ATAD3A: variants seen among roughly 807,000 people sequenced by gnomAD.
ATAD3A encodes ATPase family AAA domain containing 3A.
A neutral mutation model predicts 73.8 loss-of-function variants in ATAD3A; 46 were observed. That is an observed-to-expected ratio of 0.62 (90% CI 0.49 to 0.80). ATAD3A has a LOEUF of 0.80. Among genes scored for constraint, ATAD3A ranks in the 30% least tolerant of loss-of-function variants. The pLI, the probability that ATAD3A is intolerant of heterozygous loss-of-function variation, is 0.00. For synonymous variants in ATAD3A, 319 were observed against 350.0 expected (o/e 0.91, Z 0.99); for missense variants, 705 against 838.0 (o/e 0.84, Z 1.96).
intron 2 of ATAD3A, chr1:1,517,042 G>T: frequency 6.9e-7 from 1 of 1,457,506 alleles, no homozygotes; most frequent in Non-Finnish European, 9.1e-7. Flanking sequence ...ATAAGCATGA[G>T]CTCTGCCCTC....
chr1:1,520,136 G>T lies in ATAD3A; in HGVS notation c.515-5G>T, dbSNP rs1641532776. 1 of 1,608,986 alleles carries T rather than the reference G, an allele frequency of 6.2e-7. No homozygotes were observed. Among genetic ancestry groups the T allele is most frequent in the Non-Finnish European group, 8.5e-7 (1 of 1,178,930 alleles). On this transcript the variant is annotated splice_polypyrimidine_tract_variant and splice_region_variant and intron_variant, in intron 5 of 15. Transcript: ENST00000378756. The surrounding 1 kb of genome is among the most constrained non-coding windows in gnomAD (Gnocchi z 4.0). Reference sequence around the variant, plus strand: ...GTGCTGAGCTGCCCTGCCTCTCTGGGGCAGCCACCGTGGAGCGGGAGATGG... The same window carrying T: ...GTGCTGAGCTGCCCTGCCTCTCTGGTGCAGCCACCGTGGAGCGGGAGATGG...
At chr1:1,527,585 G>C in intron 13 of ATAD3A, 110 bp from the exon 14 acceptor site, 6 of 1,385,066 alleles carry the variant, frequency 4.3e-6, no homozygotes, top group Non-Finnish European at 4.8e-6. Flanking sequence ...CCGTGTCCTC[G>C]TGTTTCCCGC....
intron 1 of ATAD3A, among the ~76,000 whole-genome samples, chr1:1,513,761 C>G (rs1000743063): frequency 2.0e-5 from 3 of 152,120 alleles, no homozygotes; most frequent in Admixed American, 6.5e-5. Context: ...AGCCCGGCCC[C>G]TCCCGACGCT....
At chr1:1,524,043 G>C in intron 10 of ATAD3A, 79 bp downstream of exon 10, 1 of 1,607,482 alleles carries the variant, frequency 6.2e-7, no homozygotes, top group Admixed American at 1.7e-5. Flanking sequence ...GGGCTCAGCT[G>C]CCTGGGGAAT....
At chr1:1,517,218 C>G in intron 2 of ATAD3A, 93 bp from the exon 3 acceptor site, 2 of 1,545,134 alleles carry the variant, frequency 1.3e-6, no homozygotes, top group Non-Finnish European at 1.7e-6. Flanking sequence ...GGCATGGAGT[C>G]TCTGCCGTGC....
At position 1,522,489 on chromosome 1, in the gene ATAD3A, G is replaced by A. The variant is rs184351141; in HGVS notation, c.751-255G>A. Among the ~76,000 whole-genome samples, 481 of 152,332 alleles carry A rather than the reference G, an allele frequency of 3.2e-3. 4 individuals are homozygous for A. Among genetic ancestry groups the A allele is most frequent in the Non-Finnish European group, 3.9e-3 (262 of 68,026 alleles). On this transcript the variant is annotated intron_variant, in intron 7 of 15. Transcript: ENST00000378756. ...CTGTCCAGGGCCCCGCTCAGCGACC[G>A]AGGCTTTCTAGGATTTATGCTGCCA...
intron 13 of ATAD3A, 76 bp from the exon 14 acceptor site, chr1:1,527,619 G>T (rs1175807323): frequency 1.3e-6 from 2 of 1,510,652 alleles, no homozygotes; most frequent in Non-Finnish European, 1.8e-6. Flanking sequence ...CCCTGTGGGG[G>T]CTGAGGAGGC....
Position 1,514,433 on chromosome 1 carries a change from C to T in ATAD3A, c.206-1579C>T, listed in dbSNP as rs1290103766. ...TCGCTTCAGCCCTTGGCTTCCCGAG[C>T]TTAGCAGCCAAACCCGTTGACCTGG... On this transcript the variant is annotated intron_variant, in intron 1 of 15. Transcript: ENST00000378756. Among the ~76,000 whole-genome samples, 217 of 152,290 alleles carry T rather than the reference C, an allele frequency of 1.4e-3. 1 individual carries two copies. The highest frequency in any genetic ancestry group is 1.6e-3 in the Admixed American group (25 of 15,290).
At chr1:1,524,878 C>T (rs1641745604) in intron 11 of ATAD3A, among the ~76,000 whole-genome samples, 2 of 151,926 alleles carry the variant, frequency 1.3e-5, no homozygotes, top group Admixed American at 6.6e-5. Context: ...AACCACGATG[C>T]TCATGGTTGG....
At chr1:1,525,084 C>T (rs1036091735) in intron 11 of ATAD3A, among the ~76,000 whole-genome samples, 156 bp from the exon 12 acceptor site, 8 of 152,130 alleles carry the variant, frequency 5.3e-5, no homozygotes, top group Admixed American at 1.3e-4. Context: ...CCAGGCTGAT[C>T]GGCTTCTGTC....
chr1:1,521,204 C>G (rs907588302), intron 7 of ATAD3A, among the ~76,000 whole-genome samples: 9 of 143,352 alleles, frequency 6.3e-5, no homozygotes, highest in Non-Finnish European at 3.0e-5. Context: ...GAGGCTGAGG[C>G]AGGAGAATCA....
chr1:1,516,175 G>T, intron 2 of ATAD3A, 87 bp downstream of exon 2: 1 of 1,588,712 alleles, frequency 6.3e-7, no homozygotes, highest in East Asian at 2.3e-5. Context: ...GGTGGGTAGG[G>T]CCGGGGGTGT....
At chr1:1,516,209 A>G in intron 2 of ATAD3A, 121 bp downstream of exon 2, 6 of 1,462,644 alleles carry the variant, frequency 4.1e-6, no homozygotes, top group Non-Finnish European at 5.6e-6. Context: ...AGTGGGGCCC[A>G]GGGCCAAGCT....
rs1175686099 is a variant in ATAD3A at position 1,524,645 on chromosome 1, G to A, written c.1214+248G>A. 1.1e-4 allele frequency among the ~76,000 whole-genome samples: 15 copies of A among 130,716 alleles called. No individual in the cohort carries two copies. In the East Asian group the frequency reaches 3.3e-3, roughly 29 times the overall value. 85.8% of individuals were successfully genotyped at this position (130,716 alleles called of 152,430 possible). On this transcript the variant is annotated intron_variant, in intron 11 of 15. Transcript: ENST00000378756. ...TTGGCTCAGGGCAGAAGGGAGGTGG[G>A]TGGGTGCAGGGGGAGAGGAGTCTTC...
chr1:1,528,517 A>G (rs114369282), intron 14 of ATAD3A, among the ~76,000 whole-genome samples: 3,656 of 151,990 alleles, frequency 0.024, 161 homozygotes, highest in African/African-American at 0.083. Context: ...GGTGTGGGGC[A>G]CGGCTCTTGC....
intron 7 of ATAD3A, among the ~76,000 whole-genome samples, chr1:1,521,105 G>T (rs1641577794): frequency 6.6e-6 from 1 of 151,750 alleles, no homozygotes; most frequent in Admixed American, 6.6e-5. Context: ...AGACCATCCT[G>T]GCTAACACGG....
Position 1,523,771 on chromosome 1 carries a change from G to T in ATAD3A, c.964-68G>T. On this transcript the variant is annotated intron_variant, in intron 9 of 15. Transcript: ENST00000378756. This position sits in a 1 kb window ranked among gnomAD's most constrained non-coding sequence, Gnocchi z 5.1. ...GCCGAGTCTGCACCCAGGCATTCCCGCAGCCCCTTCCCCTGAGGCTTCCAT... is the reference window on the plus strand; with the variant it reads ...GCCGAGTCTGCACCCAGGCATTCCCTCAGCCCCTTCCCCTGAGGCTTCCAT... 1.2e-6 allele frequency: 2 copies of T among 1,608,256 alleles called. No individual in the cohort carries two copies. Among genetic ancestry groups the T allele is most frequent in the Non-Finnish European group, 1.7e-6 (2 of 1,176,794 alleles).
Position 1,529,308 on chromosome 1 carries a change from G to A in ATAD3A, c.1591G>A (p.Ala531Thr), listed in dbSNP as rs548072410. The change falls in exon 15 of 16, where the codon GCT (alanine) becomes ACT (threonine). Residue 531 changes from alanine (A) to threonine (T), a missense_variant. Physicochemically the swap from Ala to Thr is moderately conservative, Grantham distance 58. Transcript: ENST00000378756. ...GGAGGGCATGTCGGGCCGGGAGATC[G>A]CTCAGCTGGCCGTGTCCTGGCAGGT... Reference protein sequence around the residue: ...LTEGMSGREIAQLAVSWQATA... With the variant: ...LTEGMSGREITQLAVSWQATA... 53 of 1,597,596 alleles carry A rather than the reference G, an allele frequency of 3.3e-5. No individual in the cohort carries two copies. The highest frequency in any genetic ancestry group is 4.3e-5 in the Non-Finnish European group (50 of 1,173,154).
chr1:1,516,348 C>T (rs182689036), intron 2 of ATAD3A, among the ~76,000 whole-genome samples: 23 of 152,130 alleles, frequency 1.5e-4, no homozygotes, highest in Admixed American at 7.9e-4. Flanking sequence ...TTGGTGAGGG[C>T]GTCTGGTCGT....
Sources: gnomAD v4.1 joint callset for allele counts (sites outside exome capture counted in the v4.1 genomes callset) on GRCh38, gnomAD v4.1.1 for gene constraint, Gnocchi (gnomAD v3.1) non-coding constraint, MANE v1.5 for transcripts, NCBI Gene and HGNC (gene_info 2026-07-23, HGNC 2026-07-21) for gene names.